NRBP2: variants seen among roughly 807,000 people sequenced by gnomAD.
NRBP2 encodes nuclear receptor-binding protein 2.
In NRBP2, 47 loss-of-function variants were observed where a neutral mutation model predicts 74.4. That is an observed-to-expected ratio of 0.63 (90% confidence interval 0.50 to 0.81). NRBP2 has a LOEUF of 0.81. Among genes scored for constraint, NRBP2 ranks in the 30% least tolerant of loss-of-function variants. NRBP2 has a pLI of 0.00. For missense variants in NRBP2, 613 were observed against 690.1 expected, an observed-to-expected ratio of 0.89 and a Z score of 1.25; for synonymous variants, 312 against 273.8, an observed-to-expected ratio of 1.14 and a Z score of -1.38.
chr8:143,840,312 A>G lies in NRBP2; in HGVS notation c.130-83T>C. On this transcript the variant is annotated intron_variant, in intron 1 of 17. Coordinates refer to ENST00000442628, the MANE Select transcript of NRBP2 (RefSeq NM_178564.4). This position sits in a 1 kb window ranked among gnomAD's most constrained non-coding sequence, Gnocchi z 5.7. ...ATTTGGTCCCTGTCCACACCTTTCC[A>G]GTGGGCCCAAGCGTGGGCTGCAGGC... 6.7e-7 allele frequency: 1 copy of G among 1,499,404 alleles called. No individual in the cohort carries two copies. Among genetic ancestry groups the G allele is most frequent in the Non-Finnish European group, 8.9e-7 (1 of 1,122,812 alleles). The allele number at this position is 1,499,404 out of a possible 1,614,324, so 92.9% of individuals were successfully genotyped here.
In NRBP2 at chr8:143,840,824, G is replaced by C; in HGVS notation, c.11C>G (p.Pro4Arg). Residue 4 changes from proline (P) to arginine (R), a missense_variant, in exon 1 of 18, where the codon CCG becomes CGG. Pro to Arg is a moderately radical substitution (Grantham distance 103). This residue lies in a region of NRBP2 where 332 missense variants were observed against 429.2 expected (regional missense o/e 0.77). Transcript: ENST00000442628. The surrounding 1 kb of genome is among the most constrained non-coding windows in gnomAD (Gnocchi z 5.7). ...CCGGGCCCGCCTCGGCGCCGGCTCCGGGGCCGCCATGGTTCGGCCAGCCCA... is the reference window on the plus strand; with the variant it reads ...CCGGGCCCGCCTCGGCGCCGGCTCCCGGGCCGCCATGGTTCGGCCAGCCCA... MAAPEPAPRRARER... is the reference protein window; with the variant it reads MAAREPAPRRARER... The C allele has an allele frequency of 6.7e-7, 1 of 1,488,430 alleles. No homozygotes were observed. The highest frequency in any genetic ancestry group is 8.9e-7 in the Non-Finnish European group (1 of 1,124,840). 92.2% of individuals were successfully genotyped at this position (1,488,430 alleles called of 1,614,324 possible). A position where few individuals can be genotyped will look rare whatever the true frequency, so the allele number is the denominator to read the frequency against.
At chr8:143,831,446 T>C (rs1818163522), downstream of NRBP2, among the ~76,000 whole-genome samples, 1 of 152,122 alleles carries the variant, frequency 6.6e-6, no homozygotes, top group South Asian at 2.1e-4. Context: ...TGAGGCCACG[T>C]CTCTACAAAA....
At position 143,836,121 on chromosome 8, in the gene NRBP2, G is replaced by T. The variant is rs374217009; in HGVS notation, c.1317+6C>A. 1.2e-6 allele frequency: 2 copies of T among 1,601,254 alleles called. No homozygotes were observed. Among genetic ancestry groups the T allele is most frequent in the Non-Finnish European group, 8.5e-7 (1 of 1,175,884 alleles). Reference sequence around the variant, plus strand: ...CGGCAGCGCCGCCCTCCCAGGCCCCGCTCACATGCCAGCGCGCCTTGTCCT... The same window carrying T: ...CGGCAGCGCCGCCCTCCCAGGCCCCTCTCACATGCCAGCGCGCCTTGTCCT... On this transcript the variant is annotated splice_donor_region_variant and intron_variant, in intron 15 of 17. Transcript: ENST00000442628.
At chr8:143,836,693 AGGGGTGGGG>A (rs1159345972) in intron 14 of NRBP2, among the ~76,000 whole-genome samples, 2 of 2,338 alleles carry the variant, frequency 8.6e-4, no homozygotes, top group Admixed American at 8.8e-3. Context: ...GGGGGATGGG[AGGGGTGGGG>A]GGGGTGGGAG....
At chr8:143,832,596 G>C (rs1012966278), downstream of NRBP2, among the ~76,000 whole-genome samples, 6 of 152,234 alleles carry the variant, frequency 3.9e-5, no homozygotes, top group East Asian at 1.2e-3. Flanking sequence ...CCTGCGGGCA[G>C]CAATACTGCT....
rs1554651005 is a variant in NRBP2, at chr8:143,834,575, G to A, written c.*1087C>T. On this transcript the variant is annotated 3_prime_UTR_variant, in exon 18 of 18. Coordinates refer to ENST00000442628, the MANE Select transcript of NRBP2 (RefSeq NM_178564.4). Reference sequence around the variant, plus strand: ...GTTTGTGGTAAATTTTACAGCGGCAGTATAAAACTAATACAGTGGTGTGCC... The same window carrying A: ...GTTTGTGGTAAATTTTACAGCGGCAATATAAAACTAATACAGTGGTGTGCC... 1 of 152,234 alleles carries A rather than the reference G, an allele frequency of 6.6e-6. No individual in the cohort carries two copies. Among genetic ancestry groups the A allele is most frequent in the African/African-American group, 2.4e-5 (1 of 41,462 alleles). The allele number at this position is 152,234 out of a possible 1,614,324, so 9.4% of individuals were successfully genotyped here.
Position 143,835,649 on chromosome 8 carries a change from C to A in NRBP2, c.*13G>T. The A allele has an allele frequency of 1.3e-6, 2 of 1,568,442 alleles. No homozygotes were observed. The highest frequency in any genetic ancestry group is 1.9e-5 in the Admixed American group (1 of 51,856). ...AGCACCCCGGCATGGTCCCCTGGGG[C>A]TGGGGCTCCGGGTCAGGCCTGGGTC... is the stretch of plus-strand genomic sequence containing the variant. On this transcript the variant is annotated 3_prime_UTR_variant, in exon 18 of 18. Transcript: ENST00000442628. The surrounding 1 kb of genome is among the most constrained non-coding windows in gnomAD (Gnocchi z 4.9).
At chr8:143,838,427 G>T (rs1818525024) in intron 10 of NRBP2, among the ~76,000 whole-genome samples, 2 of 152,210 alleles carry the variant, frequency 1.3e-5, no homozygotes, top group African/African-American at 4.8e-5. Flanking sequence ...TTATAAAACG[G>T]GCATGGTGAT....
chr8:143,840,548 CAAAGGGGTCCAGG>C lies in NRBP2; in HGVS notation c.129+145_129+157del. ...GGGAGTCCCAGGGCGAGCGCCAGGCCAAAGGGGTCCAGGGGTGGCTGATTCGCGGGCCGCGAGG... is the reference window on the plus strand; with the variant it reads ...GGGAGTCCCAGGGCGAGCGCCAGGCCGGTGGCTGATTCGCGGGCCGCGAGG... On this transcript the variant is annotated intron_variant, in intron 1 of 17. Coordinates refer to ENST00000442628, the MANE Select transcript of NRBP2 (RefSeq NM_178564.4). The surrounding 1 kb of genome is among the most constrained non-coding windows in gnomAD (Gnocchi z 5.7). The C allele has an allele frequency of 1.3e-6, 1 of 785,864 alleles. No individual in the cohort carries two copies. Among genetic ancestry groups the C allele is most frequent in the Middle Eastern group, 3.8e-4 (1 of 2,600 alleles). 48.7% of individuals were successfully genotyped at this position (785,864 alleles called of 1,614,324 possible). A position where few individuals can be genotyped will look rare whatever the true frequency, so the allele number is the denominator to read the frequency against.
In NRBP2 at chr8:143,835,626, CA is replaced by C. The variant is rs1563857955; in HGVS notation, c.*35del. 4.0e-6 allele frequency: 6 copies of C among 1,518,292 alleles called. No homozygotes were observed. In the Admixed American group the frequency reaches 1.3e-4, roughly 32 times the overall value. The allele number at this position is 1,518,292 out of a possible 1,614,324, so 94.1% of individuals were successfully genotyped here. A position where few individuals can be genotyped will look rare whatever the true frequency, so the allele number is the denominator to read the frequency against. ...TCCCCAACATGGCCTGCCCAGGCAGCACCCCGGCATGGTCCCCTGGGGCTGG... is the reference window on the plus strand; with the variant it reads ...TCCCCAACATGGCCTGCCCAGGCAGCCCCCGGCATGGTCCCCTGGGGCTGG... On this transcript the variant is annotated 3_prime_UTR_variant, in exon 18 of 18. Transcript: ENST00000442628. The surrounding 1 kb of genome is among the most constrained non-coding windows in gnomAD (Gnocchi z 4.9).
At chr8:143,838,829 G>A (rs1818548098) in intron 9 of NRBP2, 54 bp from the exon 10 acceptor site, 1 of 1,611,744 alleles carries the variant, frequency 6.2e-7, no homozygotes, top group Non-Finnish European at 8.5e-7. Context: ...GGTGAGCCAG[G>A]CAGGGCACAG....
intron 14 of NRBP2, 150 bp downstream of exon 14, chr8:143,836,889 C>T (rs1482478532): frequency 3.3e-6 from 3 of 897,864 alleles, no homozygotes; most frequent in South Asian, 3.3e-5. Context: ...CCCATGACCC[C>T]CACAAGGGGG....
chr8:143,835,705 A>C lies in NRBP2; in HGVS notation c.1463T>G (p.Phe488Cys). The C allele has an allele frequency of 1.2e-6, 2 of 1,600,898 alleles. No homozygotes were observed. Among genetic ancestry groups the C allele is most frequent in the Non-Finnish European group, 1.7e-6 (2 of 1,174,900 alleles). ...HEDDRMKLAAFLESTFLKYRG... is the reference protein window; with the variant it reads ...HEDDRMKLAACLESTFLKYRG... ...GTACTTGAGGAAGGTGCTCTCCAGGAAGGCGGCCAGCTTCATCCGGTCGTC... is the reference window on the plus strand; with the variant it reads ...GTACTTGAGGAAGGTGCTCTCCAGGCAGGCGGCCAGCTTCATCCGGTCGTC... Residue 488 changes from phenylalanine to cysteine, a missense_variant, in exon 18 of 18, where the codon TTC (phenylalanine) becomes TGC (cysteine). Around this residue, in one of 2 missense-constraint regions of NRBP2, gnomAD observed 281 missense variants for 260.9 expected, o/e 1.08. Coordinates refer to ENST00000442628, the MANE Select transcript of NRBP2 (RefSeq NM_178564.4). This position sits in a 1 kb window ranked among gnomAD's most constrained non-coding sequence, Gnocchi z 4.9.
downstream of NRBP2, chr8:143,830,005 G>A (rs1250045681): frequency 6.6e-6 from 1 of 152,386 alleles, no homozygotes; most frequent in East Asian, 1.9e-4. Context: ...CCAGTCCCGA[G>A]ACCCCAACTC....
At position 143,840,655 on chromosome 8, in the gene NRBP2, C is replaced by T. The variant is rs1185985039; in HGVS notation, c.129+51G>A. 2 of 1,421,122 alleles carry T rather than the reference C, an allele frequency of 1.4e-6. No individual in the cohort carries two copies. The highest frequency in any genetic ancestry group is 9.2e-7 in the Non-Finnish European group (1 of 1,082,328). The allele number at this position is 1,421,122 out of a possible 1,614,324, so 88.0% of individuals were successfully genotyped here. ...CACGCCCCGCGCAGCCTCCAGGCCC[C>T]TCCCGCTCTGGGAGGGCGGTGTCAC... On this transcript the variant is annotated intron_variant, in intron 1 of 17. Transcript: ENST00000442628. This position sits in a 1 kb window ranked among gnomAD's most constrained non-coding sequence, Gnocchi z 5.7.
At chr8:143,830,504 G>A (rs1818111547), downstream of NRBP2, among the ~76,000 whole-genome samples, 2 of 152,242 alleles carry the variant, frequency 1.3e-5, no homozygotes, top group African/African-American at 2.4e-5. Context: ...CTCCACCCCT[G>A]GGCTGGGTCT....
At chr8:143,836,746 T>C (rs112620481) in intron 14 of NRBP2, among the ~76,000 whole-genome samples, 3,580 of 145,404 alleles carry the variant, frequency 0.025, 166 homozygotes, top group African/African-American at 0.088. Context: ...GCTGGCAGGG[T>C]GGAAGAGCCC....
intron 14 of NRBP2, 86 bp from the exon 15 acceptor site, chr8:143,836,266 G>T: frequency 7.0e-7 from 1 of 1,429,814 alleles, no homozygotes; most frequent in South Asian, 1.5e-5. Flanking sequence ...GGACAGCAAA[G>T]ACTGGAAAGG....
In NRBP2 at chr8:143,835,468, C is replaced by A. The variant is rs1554651194; in HGVS notation, c.*194G>T. On this transcript the variant is annotated 3_prime_UTR_variant, in exon 18 of 18. Coordinates refer to ENST00000442628, the MANE Select transcript of NRBP2 (RefSeq NM_178564.4). The surrounding 1 kb of genome is among the most constrained non-coding windows in gnomAD (Gnocchi z 4.9). ...GACCTGGGAGGCCTAACGGCTCCCC[C>A]ACACCCACCCCCCAACCCCTCGGCG... is the stretch of plus-strand genomic sequence containing the variant. 2 of 660,336 alleles carry A rather than the reference C, an allele frequency of 3.0e-6. No homozygotes were observed. Among genetic ancestry groups the A allele is most frequent in the Non-Finnish European group, 5.4e-6 (2 of 371,926 alleles). The allele number at this position is 660,336 out of a possible 1,614,324, so 40.9% of individuals were successfully genotyped here. A position where few individuals can be genotyped will look rare whatever the true frequency, so the allele number is the denominator to read the frequency against.
Sources: gnomAD v4.1 joint callset for allele counts (sites outside exome capture counted in the v4.1 genomes callset) on GRCh38, gnomAD v4.1.1 for gene constraint, gnomAD v4.1.1 regional missense constraint, Gnocchi (gnomAD v3.1) non-coding constraint, MANE v1.5 for transcripts, NCBI Gene and HGNC (gene_info 2026-07-23, HGNC 2026-07-21) for gene names.